Variants in PPP1R9A observed in about 807,000 individuals in gnomAD.
PPP1R9A encodes protein phosphatase 1 regulatory subunit 9A.
In PPP1R9A, 59 loss-of-function variants were observed where a neutral mutation model predicts 141.9. The ratio of observed to expected loss-of-function variants is 0.42; its 90% CI spans 0.34 to 0.52. The LOEUF (loss-of-function observed/expected upper bound fraction) is 0.52. PPP1R9A is among the 20% of genes least tolerant of loss of function. The probability of loss-of-function intolerance (pLI) is 0.10; values close to 1 mark genes in which losing one functional copy is unlikely to be tolerated. For missense variants in PPP1R9A, 1,444 were observed against 1,611.9 expected (o/e 0.90, Z 1.78); for synonymous variants, 500 against 569.7 (o/e 0.88, Z 1.74).
intron 4 of PPP1R9A, among the ~76,000 whole-genome samples, chr7:95,130,252 G>T (rs747363362): frequency 6.6e-6 from 1 of 152,158 alleles, no homozygotes; most frequent in Non-Finnish European, 1.5e-5. Flanking sequence ...TCCAGCCTTG[G>T]CTGAAAGGGG....
At chr7:95,116,015 A>G (rs1300111369) in intron 3 of PPP1R9A, among the ~76,000 whole-genome samples, 1 of 152,124 alleles carries the variant, frequency 6.6e-6, no homozygotes, top group Non-Finnish European at 1.5e-5. Flanking sequence ...TCATCCACAT[A>G]CAATTTAAAG....
chr7:95,203,833 A>T, intron 7 of PPP1R9A, 103 bp downstream of exon 7: 1 of 835,394 alleles, frequency 1.2e-6, no homozygotes, highest in Non-Finnish European at 1.8e-6. Context: ...GTTCTGAAGA[A>T]CTTCTCTAGA....
rs576612472 is a variant in PPP1R9A, at chr7:95,151,789, T to TA, written c.1650-10071dup. ...TTCCCACTTAATTTTGTTCTGAACA[T>TA]AAAAAAACTCTACAAAAGGAAAGTT... On this transcript the variant is annotated intron_variant, in intron 4 of 19. Coordinates refer to ENST00000433360, the MANE Select transcript of PPP1R9A (RefSeq NM_001166160.2). 9.9e-5 allele frequency among the ~76,000 whole-genome samples: 15 copies of TA among 151,756 alleles called. No homozygotes were observed. In the East Asian group the frequency reaches 2.5e-3, roughly 25 times the overall value.
chr7:95,234,071 A>G (rs564143435), intron 8 of PPP1R9A, among the ~76,000 whole-genome samples: 17 of 152,270 alleles, frequency 1.1e-4, no homozygotes, highest in Admixed American at 9.8e-4. Flanking sequence ...CACAACCAAC[A>G]TTATACTGAG....
At chr7:95,062,576 TG>T (rs1812383250) in intron 2 of PPP1R9A, among the ~76,000 whole-genome samples, 1 of 151,822 alleles carries the variant, frequency 6.6e-6, no homozygotes, top group Admixed American at 6.6e-5. Context: ...TTAGTAGAGA[TG>T]GGGTTTTGCC....
chr7:95,257,413 C>CA (rs1799744186), intron 12 of PPP1R9A, among the ~76,000 whole-genome samples: 1 of 152,106 alleles, frequency 6.6e-6, no homozygotes, highest in Non-Finnish European at 1.5e-5. Context: ...TGGATTCTAC[C>CA]TCACATTATT....
rs1320222694 is a variant in PPP1R9A, at chr7:95,124,249, C to T, written c.1649+3417C>T. Reference sequence around the variant, plus strand: ...AGTGCAGTTCCTCTAGTCAATAATACATTTTAAGTTATGTACACTTACTGA... The same window carrying T: ...AGTGCAGTTCCTCTAGTCAATAATATATTTTAAGTTATGTACACTTACTGA... On this transcript the variant is annotated intron_variant, in intron 4 of 19. Coordinates refer to ENST00000433360, the MANE Select transcript of PPP1R9A (RefSeq NM_001166160.2). 3.9e-5 allele frequency among the ~76,000 whole-genome samples: 6 copies of T among 152,208 alleles called. No homozygotes were observed. In the South Asian group the frequency reaches 1.2e-3, roughly 32 times the overall value.
chr7:95,097,998 G>T (rs1818267329), intron 2 of PPP1R9A, among the ~76,000 whole-genome samples: 1 of 152,228 alleles, frequency 6.6e-6, no homozygotes, highest in African/African-American at 2.4e-5. Flanking sequence ...GCTGTCACAG[G>T]CAGAATTTCT....
At chr7:95,210,654 C>T (rs971308646) in intron 7 of PPP1R9A, among the ~76,000 whole-genome samples, 13 of 152,010 alleles carry the variant, frequency 8.6e-5, no homozygotes, top group Non-Finnish European at 1.6e-4. Flanking sequence ...TGGGTATATA[C>T]CCAAAGGATT....
At chr7:95,073,624 G>GTTTTTTT (rs36077129) in intron 2 of PPP1R9A, among the ~76,000 whole-genome samples, 13 of 105,552 alleles carry the variant, frequency 1.2e-4, no homozygotes, top group East Asian at 2.8e-4. Context: ...AAAGAAATAA[G>GTTTTTTT]TTTTTTTTTT....
intron 2 of PPP1R9A, among the ~76,000 whole-genome samples, chr7:94,933,100 AT>A (rs1794365732): frequency 6.6e-6 from 1 of 152,060 alleles, no homozygotes; most frequent in African/African-American, 2.4e-5. Context: ...TACACAGCAT[AT>A]TTAGCGTCCT....
chr7:95,068,655 C>T (rs1287728340), intron 2 of PPP1R9A, among the ~76,000 whole-genome samples: 1 of 152,084 alleles, frequency 6.6e-6, no homozygotes, highest in Non-Finnish European at 1.5e-5. Context: ...AGGTCTCTGG[C>T]TTCCCTTCCC....
chr7:94,910,400 C>T lies in PPP1R9A; in HGVS notation c.287C>T (p.Pro96Leu). 1 of 1,614,100 alleles carries T rather than the reference C, an allele frequency of 6.2e-7. No individual in the cohort carries two copies. Among genetic ancestry groups the T allele is most frequent in the Non-Finnish European group, 8.5e-7 (1 of 1,180,022 alleles). Residue 96 changes from proline (P) to leucine (L), a missense_variant, in exon 2 of 20, where the codon CCT (proline) becomes CTT (leucine). Transcript: ENST00000433360. The surrounding 1 kb of genome is among the most constrained non-coding windows in gnomAD (Gnocchi z 4.5). ...KTRGKGGHSS[P>L]QRRMKPKEFL... ...AGGGGGAAAGGTGGACATTCATCTC[C>T]TCAGAGAAGAATGAAGCCCAAAGAA...
At chr7:95,244,453 A>T (rs1462458550) in intron 8 of PPP1R9A, among the ~76,000 whole-genome samples, 1 of 152,186 alleles carries the variant, frequency 6.6e-6, no homozygotes, top group Non-Finnish European at 1.5e-5. Context: ...TGTATGTGAA[A>T]GGGCCCTTGG....
intron 4 of PPP1R9A, among the ~76,000 whole-genome samples, chr7:95,121,339 C>T (rs866983674): frequency 2.6e-5 from 4 of 152,138 alleles, no homozygotes; most frequent in African/African-American, 4.8e-5. Flanking sequence ...ATTAAAATCT[C>T]CAGTAGAGGG....
At chr7:95,062,758 A>G (rs1297776880) in intron 2 of PPP1R9A, among the ~76,000 whole-genome samples, 3 of 150,280 alleles carry the variant, frequency 2.0e-5, no homozygotes, top group Non-Finnish European at 4.4e-5. Flanking sequence ...CTTTTTCTTT[A>G]CCCTGCCCCA....
At chr7:95,108,456 G>A (rs1395617656) in intron 2 of PPP1R9A, among the ~76,000 whole-genome samples, 4 of 151,240 alleles carry the variant, frequency 2.6e-5, no homozygotes, top group South Asian at 2.1e-4. Context: ...GACTACAGGT[G>A]CCTGCCACCA....
rs191276681 is a variant in PPP1R9A, at chr7:95,290,742, G to T, written c.*439G>T. 1.1e-3 allele frequency: 210 copies of T among 182,732 alleles called. No homozygotes were observed. Among genetic ancestry groups the T allele is most frequent in the Middle Eastern group, 8.1e-3 (3 of 372 alleles). 11.3% of individuals were successfully genotyped at this position (182,732 alleles called of 1,614,324 possible). A position where few individuals can be genotyped will look rare whatever the true frequency, so the allele number is the denominator to read the frequency against. On this transcript the variant is annotated 3_prime_UTR_variant, in exon 20 of 20. Transcript: ENST00000433360. ...CATGGCAGAGAGCACCCTGCCATGA[G>T]ATCTGAGACCAGTACTTAACTTCTA...
In PPP1R9A at chr7:94,978,481, A is replaced by G. The variant is rs190391304; in HGVS notation, c.1395+66973A>G. ...CCTGATAAATAATTCTAGGCATGATAGTATTTTTCCTAAAAACTTACTCCT... is the reference window on the plus strand; with the variant it reads ...CCTGATAAATAATTCTAGGCATGATGGTATTTTTCCTAAAAACTTACTCCT... On this transcript the variant is annotated intron_variant, in intron 2 of 19. Transcript: ENST00000433360. Among the ~76,000 whole-genome samples the G allele has an allele frequency of 5.5e-3, 839 of 152,356 alleles. 4 individuals are homozygous for G. The highest frequency in any genetic ancestry group is 9.5e-3 in the Non-Finnish European group (649 of 68,030).
Sources: allele counts gnomAD v4.1 joint callset (sites outside exome capture counted in the v4.1 genomes callset), GRCh38; gene constraint gnomAD v4.1.1; non-coding constraint Gnocchi (gnomAD v3.1); transcripts MANE v1.5; gene names NCBI Gene and HGNC (gene_info 2026-07-23, HGNC 2026-07-21).